The following SORCS1 variants were observed in gnomAD, a reference collection of about 807,000 sequenced individuals.
SORCS1 encodes the protein VPS10 domain-containing receptor SorCS1.
SORCS1 carries 60 observed loss-of-function variants against 146.1 expected under a neutral mutation model. The observed-to-expected ratio is 0.41, with a 90% CI of 0.33 to 0.51. The LOEUF (loss-of-function observed/expected upper bound fraction) is 0.51, where lower values mean the gene tolerates loss of function less well. SORCS1 is among the 20% of genes least tolerant of loss of function. The pLI is 0.21. For missense variants in SORCS1, 1,352 were observed against 1,487.6 expected, an observed-to-expected ratio of 0.91 and a Z score of 1.50; for synonymous variants, 637 against 584.0, an observed-to-expected ratio of 1.09 and a Z score of -1.31.
Position 107,164,354 on chromosome 10 carries a change from T to G in SORCS1, c.173A>C (p.His58Pro). The G allele has an allele frequency of 6.6e-7, 1 of 1,521,316 alleles. No individual in the cohort carries two copies. The highest frequency in any genetic ancestry group is 1.2e-5 in the South Asian group (1 of 82,240). The allele number at this position is 1,521,316 out of a possible 1,614,324, so 94.2% of individuals were successfully genotyped here. ...AGGAGCCCTGCCTGGCCGCCCCTGG[T>G]GGGAAAAGCCCCTAGGGGTCGAGGC... ...RSASTPRGFS[H>P]QGRPGRAPAT... is the part of the protein sequence containing the mutation. Residue 58 changes from histidine (H) to proline (P), a missense_variant, in exon 1 of 26, where the codon CAC (histidine) becomes CCC (proline). Physicochemically the swap from His to Pro is moderately conservative, Grantham distance 77. Transcript: ENST00000263054. This position sits in a 1 kb window ranked among gnomAD's most constrained non-coding sequence, Gnocchi z 6.8.
chr10:106,931,466 T>A (rs1396848323), intron 2 of SORCS1, among the ~76,000 whole-genome samples: 1 of 152,160 alleles, frequency 6.6e-6, no homozygotes. Flanking sequence ...GGGAAAATAC[T>A]TGGTAATAAG....
At chr10:106,603,576 G>C (rs1431285926) in intron 23 of SORCS1, among the ~76,000 whole-genome samples, 4 of 151,968 alleles carry the variant, frequency 2.6e-5, no homozygotes, top group Non-Finnish European at 5.9e-5. Flanking sequence ...CATTCTTTAG[G>C]GCACCTCTGT....
At position 107,158,125 on chromosome 10, in the gene SORCS1, G is replaced by C. The variant is rs570405377; in HGVS notation, c.558+5844C>G. On this transcript the variant is annotated intron_variant, in intron 1 of 25. Transcript: ENST00000263054. Reference sequence around the variant, plus strand: ...AGTCCTTTTGTGAAAACTCTGTGTGGAAAGTATCAAGGTAAAAATGAAACA... The same window carrying C: ...AGTCCTTTTGTGAAAACTCTGTGTGCAAAGTATCAAGGTAAAAATGAAACA... Among the ~76,000 whole-genome samples the C allele has an allele frequency of 3.3e-5, 5 of 152,286 alleles. No homozygotes were observed. The Middle Eastern group carries it at 0.01, about 311-fold the overall frequency.
intron 20 of SORCS1, 87 bp from the exon 21 acceptor site, chr10:106,618,359 C>T (rs1847517753): frequency 6.5e-7 from 1 of 1,528,852 alleles, no homozygotes; most frequent in Middle Eastern, 1.7e-4. Context: ...AATAGGCTGT[C>T]TAACCCAGCA....
chr10:106,640,168 A>C lies in SORCS1; in HGVS notation c.2476-10780T>G, dbSNP rs1270397799. Among the ~76,000 whole-genome samples, 8 of 152,228 alleles carry C rather than the reference A, an allele frequency of 5.3e-5. No homozygotes were observed. The East Asian group carries it at 1.5e-3, about 29-fold the overall frequency. ...GAATTCAGACAAGTGAGTATCTTGA[A>C]GAAATTTTTATCAACAGCCATCTTC... On this transcript the variant is annotated intron_variant, in intron 18 of 25. Transcript: ENST00000263054.
intron 4 of SORCS1, among the ~76,000 whole-genome samples, chr10:106,773,545 G>A (rs952534975): frequency 4.6e-5 from 7 of 152,208 alleles, no homozygotes; most frequent in Admixed American, 3.9e-4. Context: ...GGCTATCCAT[G>A]ATGTGTTTTT....
the SORCS1 span, among the ~76,000 whole-genome samples, chr10:107,177,630 G>A: frequency 6.6e-6 from 1 of 152,010 alleles, no homozygotes; most frequent in Admixed American, 6.6e-5. Context: ...TATATATTGT[G>A]CCTATTTATG....
intron 3 of SORCS1, among the ~76,000 whole-genome samples, chr10:106,787,785 T>C (rs562472932): frequency 3.9e-5 from 6 of 152,356 alleles, no homozygotes; most frequent in African/African-American, 1.2e-4. Flanking sequence ...TCAATCAGAA[T>C]AATTCCTAAT....
intron 1 of SORCS1, among the ~76,000 whole-genome samples, chr10:107,115,209 G>A (rs1460678274): frequency 6.6e-6 from 1 of 151,112 alleles, no homozygotes; most frequent in Non-Finnish European, 1.5e-5. Flanking sequence ...TGCAATCTCT[G>A]TCAACATTCC....
At chr10:106,744,197 T>C (rs1857556953) in intron 5 of SORCS1, among the ~76,000 whole-genome samples, 1 of 152,116 alleles carries the variant, frequency 6.6e-6, no homozygotes, top group Non-Finnish European at 1.5e-5. Flanking sequence ...CTCCACCTCC[T>C]GGGTTCACGC....
chr10:106,639,448 C>T (rs145031910), intron 18 of SORCS1, among the ~76,000 whole-genome samples: 274 of 152,296 alleles, frequency 1.8e-3, no homozygotes, highest in African/African-American at 6.4e-3. Context: ...CCCTAAAGAA[C>T]AGCAATATTC....
chr10:106,946,417 A>C (rs1954347340), intron 2 of SORCS1, among the ~76,000 whole-genome samples: 1 of 152,204 alleles, frequency 6.6e-6, no homozygotes, highest in African/African-American at 2.4e-5. Flanking sequence ...GAGGTAATTG[A>C]ATCATGGGAG....
chr10:106,857,496 C>A (rs1188899608), intron 2 of SORCS1, among the ~76,000 whole-genome samples: 1 of 152,182 alleles, frequency 6.6e-6, no homozygotes. Context: ...TGTTTTGTTT[C>A]TTTCTTAAAA....
chr10:106,842,213 A>G (rs560710845), intron 2 of SORCS1, among the ~76,000 whole-genome samples: 16 of 152,176 alleles, frequency 1.1e-4, no homozygotes, highest in Non-Finnish European at 1.9e-4. Flanking sequence ...GGACATCTGT[A>G]TATGTTATTA....
At chr10:106,824,520 C>T (rs1948202532) in intron 3 of SORCS1, among the ~76,000 whole-genome samples, 2 of 147,682 alleles carry the variant, frequency 1.4e-5, no homozygotes, top group Non-Finnish European at 3.0e-5. Flanking sequence ...ACCCGGGAGG[C>T]GGAGGTTGCA....
intron 6 of SORCS1, among the ~76,000 whole-genome samples, chr10:106,723,637 T>A (rs919129586): frequency 4.6e-5 from 7 of 152,226 alleles, no homozygotes; most frequent in African/African-American, 1.7e-4. Flanking sequence ...GTCACAGATG[T>A]AAACTACAAG....
intron 17 of SORCS1, among the ~76,000 whole-genome samples, chr10:106,657,962 T>C (rs2135334194): frequency 6.6e-6 from 1 of 152,194 alleles, no homozygotes; most frequent in African/African-American, 2.4e-5. Flanking sequence ...TATTAAAATA[T>C]AAAAAGTTAG....
At chr10:106,694,056 T>C (rs187430808) in intron 9 of SORCS1, among the ~76,000 whole-genome samples, 5 of 152,300 alleles carry the variant, frequency 3.3e-5, no homozygotes, top group Admixed American at 2.6e-4. Flanking sequence ...ACAATTTCTT[T>C]GGGCTTTGTG....
chr10:107,118,849 G>T (rs762006722), intron 1 of SORCS1, among the ~76,000 whole-genome samples: 1 of 152,150 alleles, frequency 6.6e-6, no homozygotes, highest in East Asian at 1.9e-4. Context: ...ATACAGACAA[G>T]ACATGACATG....
Sources: gnomAD v4.1 joint callset for allele counts (sites outside exome capture counted in the v4.1 genomes callset) on GRCh38, gnomAD v4.1.1 for gene constraint, Gnocchi (gnomAD v3.1) non-coding constraint, MANE v1.5 for transcripts, NCBI Gene and HGNC (gene_info 2026-07-23, HGNC 2026-07-21) for gene names.